Variants in DLG5 observed in about 807,000 individuals in gnomAD.
DLG5 encodes disks large homolog 5.
A neutral mutation model predicts 189.8 loss-of-function variants in DLG5; 48 were observed. The observed-to-expected ratio is 0.25, with a 90% CI of 0.20 to 0.32. DLG5 has a LOEUF of 0.32. Among genes scored for constraint, DLG5 ranks in the 10% least tolerant of loss-of-function variants. DLG5 has a pLI of 1.00. For missense variants in DLG5, 2,160 were observed against 2,544.7 expected, an observed-to-expected ratio of 0.85 and a Z score of 3.25; for synonymous variants, 1,016 against 1,054.1, an observed-to-expected ratio of 0.96 and a Z score of 0.70.
chr10:77,908,113 C>T (rs536397163), intron 1 of DLG5, among the ~76,000 whole-genome samples: 2 of 152,176 alleles, frequency 1.3e-5, no homozygotes, highest in South Asian at 2.1e-4. Flanking sequence ...GTACCCTCAG[C>T]CCCCTCTCTC....
At chr10:77,869,228 C>A (rs1162615311) in intron 1 of DLG5, 31 bp from the exon 2 acceptor site, 2 of 1,605,734 alleles carry the variant, frequency 1.2e-6, no homozygotes, top group South Asian at 2.2e-5. Flanking sequence ...ATGTTACTAA[C>A]CCCAAGGGGT....
intron 1 of DLG5, among the ~76,000 whole-genome samples, chr10:77,877,011 C>T (rs142999255): frequency 3.2e-4 from 48 of 151,592 alleles, no homozygotes; most frequent in African/African-American, 1.1e-3. Flanking sequence ...TACAGGTGTG[C>T]GCCACCACAC....
At chr10:77,915,345 G>A (rs1266108960) in intron 1 of DLG5, among the ~76,000 whole-genome samples, 1 of 151,900 alleles carries the variant, frequency 6.6e-6, no homozygotes, top group African/African-American at 2.4e-5. Context: ...AAAAAAATAG[G>A]AACGTTTAGT....
intron 1 of DLG5, among the ~76,000 whole-genome samples, chr10:77,896,400 T>C (rs1175424541): frequency 1.3e-5 from 2 of 152,204 alleles, no homozygotes; most frequent in African/African-American, 2.4e-5. Flanking sequence ...TTGGGTCTAA[T>C]AATGGTGGTG....
At chr10:77,847,061 G>A (rs1843730958) in intron 5 of DLG5, among the ~76,000 whole-genome samples, 1 of 152,168 alleles carries the variant, frequency 6.6e-6, no homozygotes, top group Non-Finnish European at 1.5e-5. Context: ...ATCCGGGCCT[G>A]TGTGACAATC....
At chr10:77,806,602 C>G (rs1472298848) in intron 26 of DLG5, among the ~76,000 whole-genome samples, 156 bp downstream of exon 26, 1 of 152,198 alleles carries the variant, frequency 6.6e-6, no homozygotes, top group African/African-American at 2.4e-5. Flanking sequence ...TTTAGACCAG[C>G]ACTTTTGGCA....
intron 24 of DLG5, among the ~76,000 whole-genome samples, chr10:77,808,621 G>A (rs188890530): frequency 6.6e-6 from 1 of 152,112 alleles, no homozygotes; most frequent in African/African-American, 2.4e-5. Flanking sequence ...GGAGACCACA[G>A]AGAAAGACCA....
At chr10:77,857,155 T>C (rs1844275526) in intron 2 of DLG5, among the ~76,000 whole-genome samples, 2 of 152,062 alleles carry the variant, frequency 1.3e-5, no homozygotes, top group Admixed American at 6.6e-5. Context: ...AGACGCGCAC[T>C]CTCTCCCCAA....
intron 29 of DLG5, 34 bp from the exon 30 acceptor site, chr10:77,794,992 G>A: frequency 6.4e-7 from 1 of 1,565,812 alleles, no homozygotes; most frequent in South Asian, 1.1e-5. Flanking sequence ...GCCCTGGCGG[G>A]CAGTGAGGGG....
chr10:77,866,680 T>G (rs1301747254), intron 2 of DLG5, among the ~76,000 whole-genome samples: 1 of 151,740 alleles, frequency 6.6e-6, no homozygotes, highest in Non-Finnish European at 1.5e-5. Flanking sequence ...CAGGTCTGGA[T>G]GTGATGGCTG....
intron 1 of DLG5, among the ~76,000 whole-genome samples, chr10:77,924,390 C>T (rs1004888656): frequency 1.3e-5 from 2 of 152,128 alleles, no homozygotes; most frequent in African/African-American, 4.8e-5. Flanking sequence ...ACATTCTCCA[C>T]CAGACACGGA....
At chr10:77,844,215 A>G (rs1843570671) in intron 5 of DLG5, among the ~76,000 whole-genome samples, 1 of 152,054 alleles carries the variant, frequency 6.6e-6, no homozygotes, top group Non-Finnish European at 1.5e-5. Flanking sequence ...TTGAGCACTG[A>G]GTCTCTAATG....
At position 77,821,933 on chromosome 10, in the gene DLG5, T is replaced by C; in HGVS notation, c.2551A>G (p.Arg851Gly). ...CCTGGCTCCTTCCTGTCTTCCAGCC[T>C]GTCCGTGTAGAAGATGTCTGTCTGC... ...STQTDIFYTD[R>G]LEDRKEPGPP... The change falls in exon 15 of 32, where the codon AGG (arginine) becomes GGG (glycine). Residue 851 changes from arginine (R) to glycine (G), a missense_variant. Transcript: ENST00000372391. The C allele has an allele frequency of 1.2e-6, 2 of 1,614,254 alleles. No homozygotes were observed. The highest frequency in any genetic ancestry group is 1.7e-6 in the Non-Finnish European group (2 of 1,180,044).
chr10:77,834,824 C>T (rs1173370563), intron 8 of DLG5, among the ~76,000 whole-genome samples: 2 of 152,142 alleles, frequency 1.3e-5, no homozygotes, highest in African/African-American at 4.8e-5. Context: ...CTGGGCCTCC[C>T]TCCCCTTGCA....
At chr10:77,865,149 G>A (rs777495036) in intron 2 of DLG5, among the ~76,000 whole-genome samples, 5 of 152,142 alleles carry the variant, frequency 3.3e-5, no homozygotes, top group East Asian at 1.9e-4. Flanking sequence ...ATAGCCAGTC[G>A]TGCCAGACAG....
At chr10:77,839,084 G>A (rs1407753522) in intron 7 of DLG5, among the ~76,000 whole-genome samples, 2 of 152,238 alleles carry the variant, frequency 1.3e-5, no homozygotes, top group South Asian at 2.1e-4. Flanking sequence ...GGTGGTTGCC[G>A]CAAGGACGTC....
Position 77,821,345 on chromosome 10 carries a change from G to C in DLG5, c.3139C>G (p.Pro1047Ala), listed in dbSNP as rs905371581. 6.2e-7 allele frequency: 1 copy of C among 1,613,010 alleles called. No homozygotes were observed. The highest frequency in any genetic ancestry group is 8.5e-7 in the Non-Finnish European group (1 of 1,180,006). Reference protein sequence around the residue: ...TLVGSSPSTSPPSALPPDVDP... With the variant: ...TLVGSSPSTSAPSALPPDVDP... ...ACGTCAGGGGGCAGGGCGCTCGGGG[G>C]ACTAGTGGATGGGGAGCTGCCCACC... The change falls in exon 15 of 32, where the codon CCC becomes GCC. Residue 1047 changes from proline (P) to alanine (A), a missense_variant. Physicochemically the swap from Pro to Ala is conservative, Grantham distance 27. Coordinates refer to ENST00000372391, the MANE Select transcript of DLG5 (RefSeq NM_004747.4).
At chr10:77,860,637 T>C (rs932405705) in intron 2 of DLG5, among the ~76,000 whole-genome samples, 1 of 152,196 alleles carries the variant, frequency 6.6e-6, no homozygotes, top group Non-Finnish European at 1.5e-5. Context: ...TCATACATTA[T>C]CCCATTTCGA....
chr10:77,801,049 C>T (rs1486878130), intron 27 of DLG5, among the ~76,000 whole-genome samples: 4 of 152,184 alleles, frequency 2.6e-5, no homozygotes, highest in African/African-American at 7.2e-5. Flanking sequence ...CAACATCACT[C>T]GGAGCCCTGA....
Sources: allele counts gnomAD v4.1 joint callset (sites outside exome capture counted in the v4.1 genomes callset), GRCh38; gene constraint gnomAD v4.1.1; transcripts MANE v1.5; gene names NCBI Gene and HGNC (gene_info 2026-07-23, HGNC 2026-07-21).